The following CYSLTR1 variants were observed in gnomAD, a reference collection of about 807,000 sequenced individuals.
CYSLTR1 encodes G-protein coupled receptor HG55.
CYSLTR1 carries 1 observed loss-of-function variant against 2.1 expected under a neutral mutation model. That is an observed-to-expected ratio of 0.48 (90% CI 0.17 to 2.28). The LOEUF (loss-of-function observed/expected upper bound fraction) is 2.28, where lower values mean the gene tolerates loss of function less well. CYSLTR1 is among the 30% of genes most tolerant of loss of function. CYSLTR1 has a pLI of 0.26. For missense variants in CYSLTR1, 299 were observed against 250.1 expected (o/e 1.20, Z -1.32); for synonymous variants, 110 against 89.6 (o/e 1.23, Z -1.28).
intron 2 of CYSLTR1, among the ~76,000 whole-genome samples, chrX:78,274,626 C>T (rs759889206): frequency 3.6e-5 from 4 of 110,868 alleles, no homozygotes; most frequent in African/African-American, 1.3e-4. Flanking sequence ...CATAAAAACC[C>T]TAGAAGAAAA....
intron 1 of CYSLTR1, among the ~76,000 whole-genome samples, chrX:78,294,116 G>C (rs1404972404): frequency 8.9e-6 from 1 of 112,033 alleles, no homozygotes; most frequent in Non-Finnish European, 1.9e-5. Context: ...CATCTTTGTG[G>C]TTTTATCTGA....
chrX:78,284,820 T>C, intron 1 of CYSLTR1, among the ~76,000 whole-genome samples: 1 of 108,018 alleles, frequency 9.3e-6, no homozygotes, highest in Middle Eastern at 4.8e-3. Flanking sequence ...AAATATAGTC[T>C]AGTGTTAAAA....
rs1921379338 is a variant in CYSLTR1, at chrX:78,273,198, T to C, written c.549A>G (p.Lys183=). 1.7e-6 allele frequency: 2 copies of C among 1,210,787 alleles called. No homozygotes were observed. The highest frequency in any genetic ancestry group is 5.9e-5 in the East Asian group (2 of 33,856). ...CATAATGCAAGACCAAAACATGATT[T>C]TTAGTTTGATTGTCTTGTGGGGGCT... ...CFEPPQDNQT[K]NHVLVLHYVS... The change falls in exon 3 of 3, where the codon AAA becomes AAG. Residue 183 remains lysine, a synonymous_variant. Transcript: ENST00000373304.
rs1042861035 is a variant in CYSLTR1, at chrX:78,315,211, T to C, written c.-115+12094A>G. On this transcript the variant is annotated intron_variant, in intron 1 of 2. Coordinates refer to ENST00000373304, the MANE Select transcript of CYSLTR1 (RefSeq NM_006639.4). ...GGGAAGGACCTAGTCCTGGCAACAC[T>C]CATCACCGGCCAACTGAAGAGCCCT... 3.7e-5 allele frequency among the ~76,000 whole-genome samples: 4 copies of C among 107,911 alleles called. No individual in the cohort carries two copies. In the South Asian group the frequency reaches 1.2e-3, roughly 34 times the overall value. 93.7% of individuals were successfully genotyped at this position (107,911 alleles called of 115,157 possible). A position where few individuals can be genotyped will look rare whatever the true frequency, so the allele number is the denominator to read the frequency against.
In CYSLTR1 at chrX:78,273,152, T is replaced by C. The variant is rs762344427; in HGVS notation, c.595A>G (p.Ile199Val). ...ACAATTATAATAACAAAAGGGATGA[T>C]AAAGCCAACAAACAATGACACATAA... ...LHYVSLFVGFIIPFVIIIVCY... is the reference protein window; with the variant it reads ...LHYVSLFVGFVIPFVIIIVCY... The change falls in exon 3 of 3, where the codon ATC becomes GTC. Residue 199 changes from isoleucine (I) to valine (V), a missense_variant. Ile to Val is a conservative substitution (Grantham distance 29). Transcript: ENST00000373304. 5.8e-6 allele frequency: 7 copies of C among 1,209,890 alleles called. No individual in the cohort carries two copies. In the Admixed American group the frequency reaches 1.5e-4, roughly 26 times the overall value.
rs773412027 is a variant in CYSLTR1, at chrX:78,282,022, T to C, written c.-28+1432A>G. Reference sequence around the variant, plus strand: ...CAAGTTTCTCTCTCACTTCTCTCTTTTGTACACTGTATAGTTAGAAGAAAC... The same window carrying C: ...CAAGTTTCTCTCTCACTTCTCTCTTCTGTACACTGTATAGTTAGAAGAAAC... On this transcript the variant is annotated intron_variant, in intron 2 of 2. Transcript: ENST00000373304. Among the ~76,000 whole-genome samples, 19 of 112,229 alleles carry C rather than the reference T, an allele frequency of 1.7e-4. No homozygotes were observed. The South Asian group carries it at 4.1e-3, about 24-fold the overall frequency.
intron 1 of CYSLTR1, among the ~76,000 whole-genome samples, chrX:78,322,813 T>G (rs964284764): frequency 9.0e-6 from 1 of 111,729 alleles, no homozygotes; most frequent in Non-Finnish European, 1.9e-5. Flanking sequence ...TCTCAGGTGT[T>G]TCTTCTGTAG....
chrX:78,298,630 CTTTG>C (rs1378439156), intron 1 of CYSLTR1, among the ~76,000 whole-genome samples: 2 of 111,303 alleles, frequency 1.8e-5, no homozygotes, highest in African/African-American at 6.5e-5. Context: ...AATTTAGTGA[CTTTG>C]TTTGTCTTTT....
At chrX:78,304,098 C>T (rs1922934368) in intron 1 of CYSLTR1, among the ~76,000 whole-genome samples, 1 of 111,806 alleles carries the variant, frequency 8.9e-6, no homozygotes, top group South Asian at 3.7e-4. Flanking sequence ...AGTGTATTAG[C>T]TGTGCTCAGA....
intron 1 of CYSLTR1, among the ~76,000 whole-genome samples, chrX:78,284,618 C>G (rs907871971): frequency 2.7e-5 from 3 of 109,737 alleles, no homozygotes; most frequent in African/African-American, 1.0e-4. Flanking sequence ...CCAGGCTGGT[C>G]TCGAACTCCC....
chrX:78,310,598 T>C (rs1241818962), intron 1 of CYSLTR1, among the ~76,000 whole-genome samples: 2 of 112,295 alleles, frequency 1.8e-5, no homozygotes, highest in African/African-American at 6.5e-5. Flanking sequence ...ACAAGTATGT[T>C]AACAAATAAA....
At chrX:78,285,970 C>T (rs980355395) in intron 1 of CYSLTR1, among the ~76,000 whole-genome samples, 4 of 111,667 alleles carry the variant, frequency 3.6e-5, no homozygotes, top group African/African-American at 1.3e-4. Flanking sequence ...TTGTTTAATT[C>T]ACGAACTACT....
At chrX:78,315,907 T>A (rs754702072) in intron 1 of CYSLTR1, among the ~76,000 whole-genome samples, 2 of 111,632 alleles carry the variant, frequency 1.8e-5, no homozygotes, top group Non-Finnish European at 3.8e-5. Flanking sequence ...GGGCCTTGAG[T>A]AAACATAGAC....
intron 1 of CYSLTR1, among the ~76,000 whole-genome samples, chrX:78,298,348 C>T (rs1318516217): frequency 9.0e-6 from 1 of 111,582 alleles, no homozygotes; most frequent in East Asian, 2.8e-4. Context: ...GTGTATTCTG[C>T]AGCTCTTGGA....
intron 1 of CYSLTR1, among the ~76,000 whole-genome samples, chrX:78,289,707 T>G (rs918528977): frequency 8.9e-6 from 1 of 112,604 alleles, no homozygotes; most frequent in African/African-American, 3.2e-5. Flanking sequence ...ATTTCTCTGA[T>G]GGCCAGTGAT....
At chrX:78,295,057 C>T (rs1255900598) in intron 1 of CYSLTR1, among the ~76,000 whole-genome samples, 1 of 112,278 alleles carries the variant, frequency 8.9e-6, no homozygotes, top group Non-Finnish European at 1.9e-5. Context: ...CACCCATCTT[C>T]TTCATTGATC....
intron 1 of CYSLTR1, among the ~76,000 whole-genome samples, chrX:78,325,265 G>T (rs959685738): frequency 2.7e-5 from 3 of 111,410 alleles, no homozygotes; most frequent in Non-Finnish European, 5.7e-5. Context: ...GTAGGATGAG[G>T]TTGCTGAGAC....
intron 1 of CYSLTR1, chrX:78,319,742 G>A (rs1317848580): frequency 8.9e-6 from 1 of 111,961 alleles, no homozygotes; most frequent in African/African-American, 3.3e-5. Context: ...GTGTAAAAGT[G>A]TTCCTATTTC....
chrX:78,289,789 T>C (rs1426128188), intron 1 of CYSLTR1, among the ~76,000 whole-genome samples: 1 of 112,314 alleles, frequency 8.9e-6, no homozygotes, highest in East Asian at 2.8e-4. Flanking sequence ...TCATATCCTT[T>C]GCCCACTTTT....
Sources: allele counts gnomAD v4.1 joint callset (sites outside exome capture counted in the v4.1 genomes callset), GRCh38; gene constraint gnomAD v4.1.1; transcripts MANE v1.5; gene names NCBI Gene and HGNC (gene_info 2026-07-23, HGNC 2026-07-21).